Variants in RCAN2 observed in about 807,000 individuals in gnomAD.
RCAN2 encodes regulator of calcineurin 2.
RCAN2 carries 9 observed loss-of-function variants against 23.6 expected under a neutral mutation model. The ratio of observed to expected loss-of-function variants is 0.38; its 90% CI spans 0.23 to 0.67. The LOEUF (loss-of-function observed/expected upper bound fraction) is 0.67. RCAN2 is among the 30% of genes least tolerant of loss of function. The pLI is 0.51. For synonymous variants in RCAN2, 109 were observed against 115.7 expected (o/e 0.94, Z 0.37); for missense variants, 273 against 302.3 (o/e 0.90, Z 0.72).
intron 2 of RCAN2, among the ~76,000 whole-genome samples, chr6:46,433,167 T>C (rs1472367617): frequency 6.6e-6 from 1 of 152,170 alleles, no homozygotes; most frequent in Non-Finnish European, 1.5e-5. Flanking sequence ...AATCAGGCAG[T>C]AGGGAGTAAA....
At chr6:46,323,473 CTTCCTCGAAAAACCTCATAAA>C (rs1194415960) in intron 2 of RCAN2, among the ~76,000 whole-genome samples, 1 of 151,978 alleles carries the variant, frequency 6.6e-6, no homozygotes, top group Admixed American at 6.6e-5. Context: ...TGGTAACAGT[CTTCCTCGAAAAACCTCATAAA>C]TTTATGAAGA....
chr6:46,402,940 A>G (rs956939695), intron 2 of RCAN2, among the ~76,000 whole-genome samples: 1 of 151,226 alleles, frequency 6.6e-6, no homozygotes, highest in Non-Finnish European at 1.5e-5. Context: ...TACAACACAC[A>G]TACTAGGTTG....
At chr6:46,413,541 T>G (rs556614685) in intron 2 of RCAN2, among the ~76,000 whole-genome samples, 4 of 152,216 alleles carry the variant, frequency 2.6e-5, no homozygotes, top group Non-Finnish European at 5.9e-5. Context: ...TGCAATTGCA[T>G]GTATGTGAGG....
chr6:46,328,196 TC>T (rs1221661255), intron 2 of RCAN2, among the ~76,000 whole-genome samples: 4 of 152,202 alleles, frequency 2.6e-5, no homozygotes, highest in African/African-American at 9.6e-5. Flanking sequence ...GCTTTCCCTT[TC>T]TAATTTGATT....
chr6:46,396,665 T>G (rs1766097703), intron 2 of RCAN2, among the ~76,000 whole-genome samples: 1 of 152,218 alleles, frequency 6.6e-6, no homozygotes, highest in African/African-American at 2.4e-5. Flanking sequence ...TAAATGCTGT[T>G]ACATATTATG....
In RCAN2 at chr6:46,246,803, A is replaced by G; in HGVS notation, c.516T>C (p.Asp172=). ...SPPVGWQPIN[D]ATPVLNYDLL... ...GGTCATAGTTGAGGACTGGCGTGGCATCGTTGATGGGCTGCCAGCCAACAG... is the reference window on the plus strand; with the variant it reads ...GGTCATAGTTGAGGACTGGCGTGGCGTCGTTGATGGGCTGCCAGCCAACAG... The change falls in exon 4 of 5, where the codon GAT becomes GAC. Residue 172 remains aspartate (D), a synonymous_variant. Transcript: ENST00000371374. 6.2e-7 allele frequency: 1 copy of G among 1,613,706 alleles called. No homozygotes were observed. The highest frequency in any genetic ancestry group is 8.5e-7 in the Non-Finnish European group (1 of 1,179,836).
intron 2 of RCAN2, among the ~76,000 whole-genome samples, chr6:46,391,499 C>T (rs1304073213): frequency 6.6e-6 from 1 of 152,132 alleles, no homozygotes; most frequent in Non-Finnish European, 1.5e-5. Context: ...GGGCAAGAGC[C>T]TGTTCTCAGG....
intron 1 of RCAN2, among the ~76,000 whole-genome samples, chr6:46,458,531 T>C (rs1224924073): frequency 6.6e-6 from 1 of 152,102 alleles, no homozygotes; most frequent in East Asian, 1.9e-4. Flanking sequence ...ATTCTTGCAC[T>C]CCAAAGTTCT....
chr6:46,434,001 A>G lies in RCAN2; in HGVS notation c.225+22751T>C, dbSNP rs140927484. Reference sequence around the variant, plus strand: ...AACTACAAAATGGCACCAATAACACAGACTGCCTATACAAACCTGGCACAA... The same window carrying G: ...AACTACAAAATGGCACCAATAACACGGACTGCCTATACAAACCTGGCACAA... On this transcript the variant is annotated intron_variant, in intron 2 of 4. Coordinates refer to ENST00000371374, the MANE Select transcript of RCAN2 (RefSeq NM_001251974.2). 1.9e-3 allele frequency among the ~76,000 whole-genome samples: 286 copies of G among 152,320 alleles called. 1 individual carries two copies. The highest frequency in any genetic ancestry group is 5.4e-3 in the Admixed American group (82 of 15,298).
intron 2 of RCAN2, among the ~76,000 whole-genome samples, chr6:46,340,325 T>G (rs1764274470): frequency 8.3e-6 from 1 of 120,576 alleles, no homozygotes; most frequent in African/African-American, 2.5e-5. Context: ...GATGTATTTA[T>G]GCATATAAGA....
chr6:46,348,544 G>A (rs925904962), intron 2 of RCAN2, among the ~76,000 whole-genome samples: 20 of 152,092 alleles, frequency 1.3e-4, no homozygotes, highest in African/African-American at 4.8e-4. Flanking sequence ...AGACCTTGGT[G>A]CTGGAGCCCT....
In RCAN2 at chr6:46,221,842, T is replaced by C. The variant is rs1765485890; in HGVS notation, c.*1299A>G. The C allele has an allele frequency of 2.5e-6, 1 of 398,084 alleles. No homozygotes were observed. The highest frequency in any genetic ancestry group is 3.6e-5 in the East Asian group (1 of 28,076). 24.7% of individuals were successfully genotyped at this position (398,084 alleles called of 1,614,324 possible). ...GCCTGGCACACATAGCAGAAGGTAA[T>C]GGTTCTATAGGTGTATCTTCTGTAA... On this transcript the variant is annotated 3_prime_UTR_variant, in exon 5 of 5. Transcript: ENST00000371374.
chr6:46,234,317 A>G (rs904833021), intron 4 of RCAN2, among the ~76,000 whole-genome samples: 6 of 152,242 alleles, frequency 3.9e-5, no homozygotes, highest in African/African-American at 1.4e-4. Flanking sequence ...CCACAAAATA[A>G]AAAGAAATAG....
chr6:46,455,523 T>C (rs1418566146), intron 2 of RCAN2, among the ~76,000 whole-genome samples: 1 of 151,650 alleles, frequency 6.6e-6, no homozygotes, highest in Non-Finnish European at 1.5e-5. Flanking sequence ...TAAAGCCTAC[T>C]CTTATACCTC....
In RCAN2 at chr6:46,458,808, C is replaced by T. The variant is rs112167727; in HGVS notation, c.-2-1830G>A. On this transcript the variant is annotated intron_variant, in intron 1 of 4. Coordinates refer to ENST00000371374, the MANE Select transcript of RCAN2 (RefSeq NM_001251974.2). The stretch of plus-strand genomic sequence containing the variant: ...TAATTACCGTCATTTATTAGAGTAT[C>T]AATTGTTTTAATAGTAAAAATATTT... Among the ~76,000 whole-genome samples, 761 of 152,272 alleles carry T rather than the reference C, an allele frequency of 5.0e-3. 6 individuals carry two copies. The highest frequency in any genetic ancestry group is 0.018 in the African/African-American group (728 of 41,538).
At chr6:46,300,935 T>C (rs2150351003) in intron 2 of RCAN2, among the ~76,000 whole-genome samples, 1 of 151,842 alleles carries the variant, frequency 6.6e-6, no homozygotes, top group South Asian at 2.1e-4. Context: ...TAAACTAAGA[T>C]TGTGGCAACT....
intron 2 of RCAN2, among the ~76,000 whole-genome samples, chr6:46,251,849 C>T (rs1044414168): frequency 1.3e-5 from 2 of 152,066 alleles, no homozygotes; most frequent in Non-Finnish European, 2.9e-5. Context: ...TGGCCGTTGA[C>T]GTGAAACTCT....
At chr6:46,234,391 T>A (rs2119814) in intron 4 of RCAN2, among the ~76,000 whole-genome samples, 12,137 of 152,196 alleles carry the variant, frequency 0.08, 1,682 homozygotes, top group African/African-American at 0.28. Context: ...GCTTCAACTA[T>A]TTCCTCTACC....
At chr6:46,384,083 C>T (rs1410488371) in intron 2 of RCAN2, among the ~76,000 whole-genome samples, 2 of 152,180 alleles carry the variant, frequency 1.3e-5, no homozygotes, top group Non-Finnish European at 2.9e-5. Flanking sequence ...TTTCTGTTGC[C>T]AGCAGCCTCC....
Sources: gnomAD v4.1 joint callset for allele counts (sites outside exome capture counted in the v4.1 genomes callset) on GRCh38, gnomAD v4.1.1 for gene constraint, MANE v1.5 for transcripts, NCBI Gene and HGNC (gene_info 2026-07-23, HGNC 2026-07-21) for gene names.